The following RBMS1 variants were observed in gnomAD, a reference collection of about 807,000 sequenced individuals.
RBMS1 encodes RNA-binding motif, single-stranded-interacting protein 1.
A neutral mutation model predicts 62.3 loss-of-function variants in RBMS1; 17 were observed. The ratio of observed to expected loss-of-function variants is 0.27; its 90% CI spans 0.19 to 0.41. RBMS1 has a LOEUF of 0.41. Among genes scored for constraint, RBMS1 ranks in the 10% least tolerant of loss-of-function variants. RBMS1 has a pLI of 1.00. For missense variants in RBMS1, 334 were observed against 504.5 expected, an observed-to-expected ratio of 0.66 and a Z score of 3.24; for synonymous variants, 172 against 170.0, an observed-to-expected ratio of 1.01 and a Z score of -0.09.
At chr2:160,291,079 T>C (rs531713107) in intron 6 of RBMS1, among the ~76,000 whole-genome samples, 6 of 152,344 alleles carry the variant, frequency 3.9e-5, no homozygotes, top group African/African-American at 1.4e-4. Context: ...CTGTAGCTCA[T>C]GATGAGATCT....
chr2:160,369,902 T>C (rs1037983796), intron 1 of RBMS1, among the ~76,000 whole-genome samples: 1 of 152,138 alleles, frequency 6.6e-6, no homozygotes, highest in African/African-American at 2.4e-5. Context: ...ATGAAAGTAG[T>C]AGGTTTTTTT....
intron 1 of RBMS1, among the ~76,000 whole-genome samples, chr2:160,477,342 G>C (rs1042378132): frequency 9.2e-5 from 14 of 152,094 alleles, no homozygotes; most frequent in African/African-American, 3.4e-4. Context: ...GCGAGACTCT[G>C]TTTCAACAAC....
Position 160,415,489 on chromosome 2 carries a change from T to TA in RBMS1, c.76-48099dup, listed in dbSNP as rs142466103. ...AGAGACAGAAAGTACTTAGGAAATT[T>TA]AAAAAAAAAATTGTGGAAAACTGGA... On this transcript the variant is annotated intron_variant, in intron 1 of 13. Coordinates refer to ENST00000348849, the MANE Select transcript of RBMS1 (RefSeq NM_016836.4). Among the ~76,000 whole-genome samples, 917 of 150,290 alleles carry TA rather than the reference T, an allele frequency of 6.1e-3. 12 individuals carry two copies. Among genetic ancestry groups the TA allele is most frequent in the African/African-American group, 0.021 (855 of 41,042 alleles).
chr2:160,293,923 T>C (rs918784367), intron 6 of RBMS1, among the ~76,000 whole-genome samples: 22 of 152,332 alleles, frequency 1.4e-4, no homozygotes, highest in African/African-American at 5.1e-4. Context: ...AAACTTCCCA[T>C]CTCTGTTTCT....
intron 4 of RBMS1, among the ~76,000 whole-genome samples, chr2:160,305,847 A>G (rs1357434218): frequency 6.6e-6 from 1 of 152,128 alleles, no homozygotes; most frequent in African/African-American, 2.4e-5. Context: ...AACACATATC[A>G]AAATATTGTG....
chr2:160,398,621 AGTATC>A (rs1218044878), intron 1 of RBMS1, among the ~76,000 whole-genome samples: 1 of 152,218 alleles, frequency 6.6e-6, no homozygotes, highest in Non-Finnish European at 1.5e-5. Context: ...TCTGGACACC[AGTATC>A]AGAATTCAAC....
intron 6 of RBMS1, among the ~76,000 whole-genome samples, chr2:160,297,948 G>T (rs1310175329): frequency 6.6e-6 from 1 of 152,144 alleles, no homozygotes; most frequent in Non-Finnish European, 1.5e-5. Flanking sequence ...CTGAGAGGGG[G>T]TCGATTTTTA....
intron 1 of RBMS1, among the ~76,000 whole-genome samples, chr2:160,427,415 G>C (rs915674721): frequency 6.6e-6 from 1 of 151,910 alleles, no homozygotes; most frequent in Non-Finnish European, 1.5e-5. Context: ...TAGGTAAAGA[G>C]AACTGAGTCA....
intron 9 of RBMS1, chr2:160,281,966 TAC>T: frequency 5.1e-6 from 1 of 196,920 alleles, no homozygotes; most frequent in South Asian, 9.2e-5. Context: ...TTTTGACATC[TAC>T]AGTCAAATGG....
intron 1 of RBMS1, among the ~76,000 whole-genome samples, chr2:160,383,235 G>A (rs1366426805): frequency 2.6e-5 from 4 of 151,994 alleles, no homozygotes; most frequent in African/African-American, 7.3e-5. Flanking sequence ...TTCCAGTAGC[G>A]ACTCCTGCTG....
chr2:160,431,068 G>T (rs1427516183), intron 1 of RBMS1, among the ~76,000 whole-genome samples: 1 of 149,526 alleles, frequency 6.7e-6, no homozygotes, highest in African/African-American at 2.5e-5. Context: ...TTCTTGCGGG[G>T]AGTTGTGTGT....
intron 1 of RBMS1, among the ~76,000 whole-genome samples, chr2:160,451,799 G>A (rs1684005573): frequency 6.6e-6 from 1 of 151,992 alleles, no homozygotes; most frequent in South Asian, 2.1e-4. Flanking sequence ...AGTACAGATG[G>A]TGTTTTCACC....
chr2:160,392,758 G>T (rs1694933539), intron 1 of RBMS1, among the ~76,000 whole-genome samples: 1 of 152,042 alleles, frequency 6.6e-6, no homozygotes, highest in African/African-American at 2.4e-5. Flanking sequence ...TGCATGTGGT[G>T]GTGTGTGCCT....
At chr2:160,487,755 T>C (rs754950556) in intron 1 of RBMS1, among the ~76,000 whole-genome samples, 4 of 152,232 alleles carry the variant, frequency 2.6e-5, no homozygotes, top group Non-Finnish European at 5.9e-5. Flanking sequence ...GTCCAACATA[T>C]TCTCAATCTT....
chr2:160,276,906 G>T (rs574486287), intron 12 of RBMS1, among the ~76,000 whole-genome samples: 5 of 152,262 alleles, frequency 3.3e-5, no homozygotes, highest in Admixed American at 6.5e-5. Flanking sequence ...AGTCTTAAGA[G>T]GTGTGGCCTG....
intron 1 of RBMS1, among the ~76,000 whole-genome samples, chr2:160,417,105 C>A (rs1428355308): frequency 1.3e-5 from 2 of 152,104 alleles, no homozygotes; most frequent in African/African-American, 4.8e-5. Context: ...TTGTTGCAGG[C>A]ATGAATGGAT....
rs1243538015 is a variant in RBMS1 at position 160,440,490 on chromosome 2, T to C, written c.75+52799A>G. 4.6e-5 allele frequency among the ~76,000 whole-genome samples: 7 copies of C among 152,294 alleles called. No homozygotes were observed. In the East Asian group the frequency reaches 9.7e-4, roughly 21 times the overall value. ...TCAAATACCCCAGGAAGGATCTCCATGTACCACCTTCTCCACTGGATGAGG... is the reference window on the plus strand; with the variant it reads ...TCAAATACCCCAGGAAGGATCTCCACGTACCACCTTCTCCACTGGATGAGG... On this transcript the variant is annotated intron_variant, in intron 1 of 13. Coordinates refer to ENST00000348849, the MANE Select transcript of RBMS1 (RefSeq NM_016836.4).
intron 1 of RBMS1, among the ~76,000 whole-genome samples, chr2:160,421,834 A>T (rs888643489): frequency 4.6e-5 from 7 of 152,138 alleles, no homozygotes; most frequent in Non-Finnish European, 7.4e-5. Flanking sequence ...TTTAATGAGC[A>T]CCATTCTAAC....
chr2:160,358,378 T>C (rs1043683758), intron 2 of RBMS1, among the ~76,000 whole-genome samples: 6 of 152,188 alleles, frequency 3.9e-5, no homozygotes, highest in African/African-American at 1.4e-4. Context: ...GCACATCGTA[T>C]AGATCACACT....
Sources: allele counts gnomAD v4.1 joint callset (sites outside exome capture counted in the v4.1 genomes callset), GRCh38; gene constraint gnomAD v4.1.1; transcripts MANE v1.5; gene names NCBI Gene and HGNC (gene_info 2026-07-23, HGNC 2026-07-21).